MKLN1: variants seen among roughly 807,000 people sequenced by gnomAD.
The protein encoded by MKLN1 is muskelin 1, also known as muskelin.
MKLN1 carries 18 observed loss-of-function variants against 99.0 expected under a neutral mutation model. That is an observed-to-expected ratio of 0.18 (90% CI 0.13 to 0.27). MKLN1 has a LOEUF of 0.27. MKLN1 is among the 10% of genes least tolerant of loss of function. MKLN1 has a pLI of 1.00. For synonymous variants in MKLN1, 288 were observed against 293.2 expected (o/e 0.98, Z 0.18); for missense variants, 621 against 875.9 (o/e 0.71, Z 3.67).
At position 131,496,456 on chromosome 7, in the gene MKLN1, T is replaced by C. The variant is rs1317203039; in HGVS notation, c.*8728T>C. ...ACTTTTTAGGATTTTTTTTTTCTTA[T>C]AGTACAAATAATTTTCAGATCCCAG... On this transcript the variant is annotated 3_prime_UTR_variant, in exon 18 of 18. Coordinates refer to ENST00000352689, the MANE Select transcript of MKLN1 (RefSeq NM_013255.5). 5 of 152,108 alleles carry C rather than the reference T, an allele frequency of 3.3e-5. No individual in the cohort carries two copies. Among genetic ancestry groups the C allele is most frequent in the African/African-American group, 7.3e-5 (3 of 41,352 alleles). 9.4% of individuals were successfully genotyped at this position (152,108 alleles called of 1,614,324 possible). A position where few individuals can be genotyped will look rare whatever the true frequency, so the allele number is the denominator to read the frequency against.
At chr7:131,428,304 G>T (rs372093969) in intron 8 of MKLN1, among the ~76,000 whole-genome samples, 18 of 152,292 alleles carry the variant, frequency 1.2e-4, no homozygotes, top group East Asian at 9.6e-4. Context: ...ACATTTCAGA[G>T]TCAGAAGAAA....
At chr7:131,310,204 T>G (rs1394351474) in intron 3 of MKLN1, 1 of 152,176 alleles carries the variant, frequency 6.6e-6, no homozygotes, top group African/African-American at 2.4e-5. Flanking sequence ...TAGTAAGCAG[T>G]ATAAAAAGAT....
At chr7:131,415,793 G>A (rs1189660439) in intron 8 of MKLN1, among the ~76,000 whole-genome samples, 1 of 151,926 alleles carries the variant, frequency 6.6e-6, no homozygotes, top group Non-Finnish European at 1.5e-5. Flanking sequence ...TATACAAACT[G>A]GTTTTTTATC....
At chr7:131,230,239 C>A (rs1285918035) in intron 3 of MKLN1, among the ~76,000 whole-genome samples, 1 of 152,028 alleles carries the variant, frequency 6.6e-6, no homozygotes, top group Admixed American at 6.6e-5. Flanking sequence ...CAGTTGTGCC[C>A]AAATCCAAAA....
At position 131,474,006 on chromosome 7, in the gene MKLN1, C is replaced by T. The variant is rs527900851; in HGVS notation, c.2031+3062C>T. Reference sequence around the variant, plus strand: ...TCTACTAAAAATACAAAAAATTGGCCGGGCATGGTGGGAGGCGCCTGTAAT... The same window carrying T: ...TCTACTAAAAATACAAAAAATTGGCTGGGCATGGTGGGAGGCGCCTGTAAT... On this transcript the variant is annotated intron_variant, in intron 16 of 17. Transcript: ENST00000352689. 3.9e-5 allele frequency among the ~76,000 whole-genome samples: 6 copies of T among 152,044 alleles called. No individual in the cohort carries two copies. The South Asian group carries it at 8.3e-4, about 21-fold the overall frequency.
At chr7:131,378,067 G>C (rs1476290834) in intron 2 of MKLN1, among the ~76,000 whole-genome samples, 1 of 152,150 alleles carries the variant, frequency 6.6e-6, no homozygotes, top group Non-Finnish European at 1.5e-5. Flanking sequence ...AGTTGTATGA[G>C]AGACTGCCAT....
At chr7:131,469,154 A>T (rs1235594388) in intron 15 of MKLN1, among the ~76,000 whole-genome samples, 1 of 152,090 alleles carries the variant, frequency 6.6e-6, no homozygotes. Context: ...GATTAGATAG[A>T]TGCATAGATA....
At chr7:131,289,616 C>A (rs1006848096) in intron 3 of MKLN1, among the ~76,000 whole-genome samples, 2 of 152,176 alleles carry the variant, frequency 1.3e-5, no homozygotes, top group Non-Finnish European at 2.9e-5. Flanking sequence ...AGACAGACCA[C>A]CTGAGTTCCA....
At chr7:131,185,745 G>A (rs1487687480) in intron 2 of MKLN1, among the ~76,000 whole-genome samples, 1 of 152,052 alleles carries the variant, frequency 6.6e-6, no homozygotes, top group East Asian at 1.9e-4. Context: ...AATTCTCCAT[G>A]CCTTCAATTC....
chr7:131,120,563 AAAG>A (rs1353214834), intron 1 of MKLN1, among the ~76,000 whole-genome samples: 11 of 147,346 alleles, frequency 7.5e-5, no homozygotes, highest in African/African-American at 2.2e-4. Flanking sequence ...AAAAAAAAAA[AAAG>A]AAAAAAGAAA....
chr7:131,175,052 ATGGAT>A (rs1200221058), intron 2 of MKLN1, among the ~76,000 whole-genome samples: 1 of 151,446 alleles, frequency 6.6e-6, no homozygotes, highest in African/African-American at 2.4e-5. Flanking sequence ...GGATGGATGG[ATGGAT>A]GGATGGATGG....
chr7:131,117,353 C>G (rs1323533908), intron 1 of MKLN1, among the ~76,000 whole-genome samples: 1 of 151,802 alleles, frequency 6.6e-6, no homozygotes, highest in African/African-American at 2.4e-5. Flanking sequence ...TTGCTTGAAC[C>G]CGGGAGGCAG....
At position 131,343,718 on chromosome 7, in the gene MKLN1, T is replaced by C. The variant is rs546882533; in HGVS notation, c.98+15721T>C. 2.1e-3 allele frequency among the ~76,000 whole-genome samples: 320 copies of C among 152,174 alleles called. 1 individual carries two copies. Among genetic ancestry groups the C allele is most frequent in the African/African-American group, 7.2e-3 (299 of 41,576 alleles). On this transcript the variant is annotated intron_variant, in intron 1 of 17. Coordinates refer to ENST00000352689, the MANE Select transcript of MKLN1 (RefSeq NM_013255.5). ...GAACTCTTTGAATTTTATTTTACTC[T>C]TTTGAGGAAATGAAGATATCTTGAT...
chr7:131,175,728 C>G (rs1287554155), intron 2 of MKLN1, among the ~76,000 whole-genome samples: 1 of 152,134 alleles, frequency 6.6e-6, no homozygotes, highest in Non-Finnish European at 1.5e-5. Context: ...GGTGAAACCC[C>G]GTCTCTACTA....
chr7:131,134,765 G>A (rs1314171398), intron 1 of MKLN1, among the ~76,000 whole-genome samples: 1 of 152,104 alleles, frequency 6.6e-6, no homozygotes. Flanking sequence ...GACTATTACA[G>A]TAGTCTTCTA....
intron 1 of MKLN1, among the ~76,000 whole-genome samples, chr7:131,352,749 C>G (rs1483761850): frequency 6.6e-6 from 1 of 152,024 alleles, no homozygotes; most frequent in Non-Finnish European, 1.5e-5. Context: ...TGGAATAATT[C>G]TTTTTATTAT....
In MKLN1 at chr7:131,408,888, C is replaced by T. The variant is rs1794789269; in HGVS notation, c.704-2418C>T. On this transcript the variant is annotated intron_variant, in intron 6 of 17. Transcript: ENST00000352689. ...GGAGAAAAAATGAAGTGATATTGGA[C>T]CTGGAGACTCTAGTTAAATAGTTTA... Among the ~76,000 whole-genome samples, 5 of 152,220 alleles carry T rather than the reference C, an allele frequency of 3.3e-5. No homozygotes were observed. The South Asian group carries it at 1.0e-3, about 32-fold the overall frequency.
chr7:131,353,134 G>C (rs912089729), intron 1 of MKLN1, among the ~76,000 whole-genome samples: 1 of 152,100 alleles, frequency 6.6e-6, no homozygotes, highest in African/African-American at 2.4e-5. Context: ...GAAAAATGCC[G>C]AAGAGTCCAA....
At chr7:131,223,737 G>A (rs543626836) in intron 3 of MKLN1, among the ~76,000 whole-genome samples, 6 of 152,222 alleles carry the variant, frequency 3.9e-5, no homozygotes, top group Middle Eastern at 6.8e-3. Flanking sequence ...TACAGCCTCA[G>A]CTCTATACAC....
Sources: gnomAD v4.1 joint callset for allele counts (sites outside exome capture counted in the v4.1 genomes callset) on GRCh38, gnomAD v4.1.1 for gene constraint, MANE v1.5 for transcripts, NCBI Gene and HGNC (gene_info 2026-07-23, HGNC 2026-07-21) for gene names.